Variants in FBXO34 observed in about 807,000 individuals in gnomAD.
The protein encoded by FBXO34 is F-box protein 34.
FBXO34 carries 12 observed loss-of-function variants against 24.5 expected under a neutral mutation model. The ratio of observed to expected loss-of-function variants is 0.49; its 90% CI spans 0.31 to 0.79. The LOEUF (loss-of-function observed/expected upper bound fraction) is 0.79, where lower values mean the gene tolerates loss of function less well. FBXO34 is among the 30% of genes least tolerant of loss of function. The probability of loss-of-function intolerance (pLI) is 0.04; values close to 1 mark genes in which losing one functional copy is unlikely to be tolerated. For synonymous variants in FBXO34, 320 were observed against 311.9 expected, an observed-to-expected ratio of 1.03 and a Z score of -0.27; for missense variants, 823 against 857.7, an observed-to-expected ratio of 0.96 and a Z score of 0.51.
rs528029267 is a variant in FBXO34 at position 55,348,367 on chromosome 14, T to A, written c.-10-2014T>A. On this transcript the variant is annotated intron_variant, in intron 1 of 1. Transcript: ENST00000313833. ...CCTCAACCACCCCATTAGCTGAGAC[T>A]ACAGGCACGTGCCGTCACACCTGGC... is the stretch of plus-strand genomic sequence containing the variant. Among the ~76,000 whole-genome samples the A allele has an allele frequency of 3.3e-5, 5 of 152,272 alleles. No individual in the cohort carries two copies. The South Asian group carries it at 1.0e-3, about 32-fold the overall frequency.
At chr14:55,397,058 G>A in the FBXO34 span, among the ~76,000 whole-genome samples, 1 of 152,198 alleles carries the variant, frequency 6.6e-6, no homozygotes, top group Admixed American at 6.5e-5. Flanking sequence ...TCCTATGGGA[G>A]CCACCAGCAC....
chr14:55,400,252 TC>T, the FBXO34 span, among the ~76,000 whole-genome samples: 1 of 152,212 alleles, frequency 6.6e-6, no homozygotes, highest in Admixed American at 6.5e-5. Flanking sequence ...CAATACAGCT[TC>T]CAAGAGGTGA....
the FBXO34 span, among the ~76,000 whole-genome samples, chr14:55,375,061 C>A: frequency 1.3e-5 from 2 of 152,336 alleles, no homozygotes; most frequent in Middle Eastern, 3.4e-3. Context: ...AACACTGAGC[C>A]TTCTCATCCT....
chr14:55,292,965 C>T (rs1029740168), intron 1 of FBXO34, among the ~76,000 whole-genome samples: 1 of 152,184 alleles, frequency 6.6e-6, no homozygotes, highest in African/African-American at 2.4e-5. Context: ...TTACTGCAGC[C>T]TCCATCTCCC....
rs1213478070 is a variant in FBXO34, at chr14:55,351,152, C to T, written c.762C>T (p.Ala254=). ...GVPAVSESYS[A]PGACEEPTER... ...CTGCAGTGTCTGAGTCCTATTCTGC[C>T]CCAGGAGCTTGTGAAGAACCCACAG... The change falls in exon 2 of 2, where the codon GCC becomes GCT. Residue 254 remains alanine, a synonymous_variant. Coordinates refer to ENST00000313833, the MANE Select transcript of FBXO34 (RefSeq NM_017943.4). 4.3e-6 allele frequency: 7 copies of T among 1,613,990 alleles called. No individual in the cohort carries two copies. The highest frequency in any genetic ancestry group is 1.7e-5 in the Admixed American group (1 of 59,998).
chr14:55,348,730 A>G (rs987413602), intron 1 of FBXO34, among the ~76,000 whole-genome samples: 1 of 152,234 alleles, frequency 6.6e-6, no homozygotes, highest in Non-Finnish European at 1.5e-5. Context: ...ATTTCTCTTT[A>G]TCTGGCTAGA....
downstream of FBXO34, among the ~76,000 whole-genome samples, chr14:55,358,435 A>G (rs552998500): frequency 1.3e-5 from 2 of 152,300 alleles, no homozygotes; most frequent in Non-Finnish European, 2.9e-5. Flanking sequence ...CCTGCAGCAC[A>G]TCCCCTCCAG....
chr14:55,331,745 GTATATATATATATA>G (rs1297550986), intron 1 of FBXO34, among the ~76,000 whole-genome samples: 1 of 38,634 alleles, frequency 2.6e-5, no homozygotes, highest in African/African-American at 4.2e-4. Context: ...ATATATGTGT[GTATATATATATATA>G]TGTATATATA....
At chr14:55,312,067 G>A (rs991417190) in intron 1 of FBXO34, among the ~76,000 whole-genome samples, 3 of 151,278 alleles carry the variant, frequency 2.0e-5, no homozygotes, top group African/African-American at 7.3e-5. Context: ...GGGTGTGGTG[G>A]CATGCGCTTG....
intron 1 of FBXO34, among the ~76,000 whole-genome samples, chr14:55,290,266 T>G (rs1434913556): frequency 1.3e-5 from 2 of 151,884 alleles, no homozygotes; most frequent in Non-Finnish European, 2.9e-5. Context: ...TGGTGGCAGG[T>G]GCCTTAATCC....
At chr14:55,291,219 C>G (rs1242657633) in intron 1 of FBXO34, among the ~76,000 whole-genome samples, 1 of 151,976 alleles carries the variant, frequency 6.6e-6, no homozygotes, top group Non-Finnish European at 1.5e-5. Context: ...TTCTCATATC[C>G]TTGCTGACAC....
the FBXO34 span, among the ~76,000 whole-genome samples, chr14:55,435,333 T>C: frequency 1.3e-5 from 2 of 150,712 alleles, no homozygotes; most frequent in Non-Finnish European, 2.9e-5. Flanking sequence ...TGGAATGTAA[T>C]GGCATGATCT....
At chr14:55,432,051 G>A in the FBXO34 span, among the ~76,000 whole-genome samples, 6 of 152,202 alleles carry the variant, frequency 3.9e-5, no homozygotes, top group East Asian at 7.7e-4. Context: ...AAAGCCAAAT[G>A]TAGAAAACAA....
At chr14:55,332,467 G>C (rs1186184044) in intron 1 of FBXO34, among the ~76,000 whole-genome samples, 3 of 152,280 alleles carry the variant, frequency 2.0e-5, no homozygotes, top group East Asian at 3.9e-4. Flanking sequence ...AGGTAATGCA[G>C]ATTAACTTCT....
the FBXO34 span, among the ~76,000 whole-genome samples, chr14:55,440,057 G>T: frequency 6.6e-6 from 1 of 151,746 alleles, no homozygotes; most frequent in African/African-American, 2.4e-5. Flanking sequence ...CTGAGATCGC[G>T]CCACTGCACT....
chr14:55,369,306 C>T (rs1884757069), downstream of FBXO34: 1 of 212,170 alleles, frequency 4.7e-6, no homozygotes. Context: ...GTGGCCCGGG[C>T]CCAGAGGGAA....
chr14:55,289,192 C>T (rs969036209), intron 1 of FBXO34, among the ~76,000 whole-genome samples: 3 of 151,932 alleles, frequency 2.0e-5, no homozygotes, highest in African/African-American at 7.3e-5. Context: ...CCCCCCTTTC[C>T]AGCATTTTTA....
the FBXO34 span, chr14:55,385,900 G>T: frequency 1.1e-5 from 18 of 1,613,560 alleles, no homozygotes; most frequent in Non-Finnish European, 1.5e-5. Context: ...AAATGACAGA[G>T]GTGAGCTCTA....
At chr14:55,441,947 G>A in the FBXO34 span, among the ~76,000 whole-genome samples, 1 of 151,608 alleles carries the variant, frequency 6.6e-6, no homozygotes, top group African/African-American at 2.4e-5. Context: ...ATTTTTAGTA[G>A]AGACGAGTTT....
Sources: gnomAD v4.1 joint callset for allele counts (sites outside exome capture counted in the v4.1 genomes callset) on GRCh38, gnomAD v4.1.1 for gene constraint, MANE v1.5 for transcripts, NCBI Gene and HGNC (gene_info 2026-07-23, HGNC 2026-07-21) for gene names.